The following CA12 variants were observed in gnomAD, a reference collection of about 807,000 sequenced individuals.
CA12 encodes the protein carbonic anhydrase 12, also known as carbonate dehydratase XII.
In CA12, 36 loss-of-function variants were observed where a neutral mutation model predicts 46.8. The observed-to-expected ratio is 0.77, with a 90% confidence interval of 0.59 to 1.02. CA12 has a LOEUF of 1.02. Ranked by LOEUF, CA12 falls within the 50% of genes least tolerant of loss-of-function variation. CA12 has a pLI of 0.00. For missense variants in CA12, 436 were observed against 451.4 expected (o/e 0.97, Z 0.31); for synonymous variants, 202 against 187.0 (o/e 1.08, Z -0.65).
chr15:63,380,874 T>A (rs1477352054), intron 1 of CA12, among the ~76,000 whole-genome samples: 2 of 152,252 alleles, frequency 1.3e-5, no homozygotes. Flanking sequence ...TGTACACGTG[T>A]TAGCTCACTG....
In CA12 at chr15:63,345,416, C is replaced by G; in HGVS notation, c.429+61G>C. ...GGTGTTATCTGCACAGCAGCCAGGT[C>G]GAGAAGGTGCCACACCACCCACTGC... On this transcript the variant is annotated intron_variant, in intron 4 of 10. Coordinates refer to ENST00000178638, the MANE Select transcript of CA12 (RefSeq NM_001218.5). This position sits in a 1 kb window ranked among gnomAD's most constrained non-coding sequence, Gnocchi z 4.3. 1 of 1,593,196 alleles carries G rather than the reference C, an allele frequency of 6.3e-7. No homozygotes were observed. Among genetic ancestry groups the G allele is most frequent in the Non-Finnish European group, 8.5e-7 (1 of 1,175,046 alleles).
intron 2 of CA12, among the ~76,000 whole-genome samples, chr15:63,366,354 G>A (rs1423312507): frequency 1.3e-5 from 2 of 152,060 alleles, no homozygotes; most frequent in Non-Finnish European, 2.9e-5. Context: ...CCTTTGCCTG[G>A]CTTGCTCTTA....
rs577196823 is a variant in CA12, at chr15:63,378,354, C to T, written c.86-2676G>A. ...AGTGAGCTGAGATTGTGCCATTGCA[C>T]TCCAGAATGGGTGACAGAGCGAGAC... is the stretch of plus-strand genomic sequence containing the variant. On this transcript the variant is annotated intron_variant, in intron 1 of 10. Coordinates refer to ENST00000178638, the MANE Select transcript of CA12 (RefSeq NM_001218.5). This position sits in a 1 kb window ranked among gnomAD's most constrained non-coding sequence, Gnocchi z 4.8. Among the ~76,000 whole-genome samples the T allele has an allele frequency of 6.6e-6, 1 of 152,220 alleles. No individual in the cohort carries two copies. The highest frequency in any genetic ancestry group is 1.9e-4 in the East Asian group (1 of 5,186).
chr15:63,360,891 G>GCT (rs1432280554), intron 2 of CA12, among the ~76,000 whole-genome samples: 5 of 152,220 alleles, frequency 3.3e-5, no homozygotes, highest in Non-Finnish European at 7.3e-5. Flanking sequence ...GAAGGTAAGG[G>GCT]CTCTGTCTCT....
At chr15:63,364,618 C>T (rs1235209583) in intron 2 of CA12, among the ~76,000 whole-genome samples, 3 of 152,208 alleles carry the variant, frequency 2.0e-5, no homozygotes, top group Non-Finnish European at 2.9e-5. Flanking sequence ...GCTCTTGCCT[C>T]GCAGTGTGCC....
chr15:63,336,813 TGTGCCAC>T (rs1164614399), intron 8 of CA12, among the ~76,000 whole-genome samples: 1 of 152,140 alleles, frequency 6.6e-6, no homozygotes, highest in African/African-American at 2.4e-5. Context: ...AAGGAGAATA[TGTGCCAC>T]CCCTTCCCTG....
rs535409082 is a variant in CA12, at chr15:63,373,935, G to T, written c.106+1723C>A. Among the ~76,000 whole-genome samples, 1 of 152,296 alleles carries T rather than the reference G, an allele frequency of 6.6e-6. No individual in the cohort carries two copies. The highest frequency in any genetic ancestry group is 2.4e-5 in the African/African-American group (1 of 41,556). On this transcript the variant is annotated intron_variant, in intron 2 of 10. Transcript: ENST00000178638. This position sits in a 1 kb window ranked among gnomAD's most constrained non-coding sequence, Gnocchi z 4.9. ...GCCCAGATTCTGCGATTCTTACTTT[G>T]TCAGTTCTCTTATCCTGGCCTGGCC... is the stretch of plus-strand genomic sequence containing the variant.
chr15:63,377,761 A>G (rs1309165769), intron 1 of CA12, among the ~76,000 whole-genome samples: 1 of 152,250 alleles, frequency 6.6e-6, no homozygotes. Context: ...ATCTCTATAT[A>G]ACATGCTAAT....
In CA12 at chr15:63,330,748, C is replaced by T. The variant is rs1278282001; in HGVS notation, c.875-2618G>A. On this transcript the variant is annotated intron_variant, in intron 8 of 10. Transcript: ENST00000178638. The surrounding 1 kb of genome is among the most constrained non-coding windows in gnomAD (Gnocchi z 4.0). Reference sequence around the variant, plus strand: ...CTTCTCTGGAGGGAGAGTCTGGCTTCCCCCGGTTATTACGCGGGGTTCCTG... The same window carrying T: ...CTTCTCTGGAGGGAGAGTCTGGCTTTCCCCGGTTATTACGCGGGGTTCCTG... Among the ~76,000 whole-genome samples, 1 of 152,202 alleles carries T rather than the reference C, an allele frequency of 6.6e-6. No individual in the cohort carries two copies. Among genetic ancestry groups the T allele is most frequent in the Non-Finnish European group, 1.5e-5 (1 of 68,026 alleles).
chr15:63,358,229 G>A (rs1266606301), intron 2 of CA12, among the ~76,000 whole-genome samples: 2 of 152,218 alleles, frequency 1.3e-5, no homozygotes, highest in Non-Finnish European at 2.9e-5. Context: ...AGTGCTGCAA[G>A]GCAGCTGGAA....
At position 63,341,206 on chromosome 15, in the gene CA12, G is replaced by A. The variant is rs985317881; in HGVS notation, c.526-423C>T. On this transcript the variant is annotated intron_variant, in intron 5 of 10. Coordinates refer to ENST00000178638, the MANE Select transcript of CA12 (RefSeq NM_001218.5). The surrounding 1 kb of genome is among the most constrained non-coding windows in gnomAD (Gnocchi z 5.2). ...AAAAAAACATGCAAGCCAATCAGAAGACATTCCTCTATCTTGGGATAAAAA... is the reference window on the plus strand; with the variant it reads ...AAAAAAACATGCAAGCCAATCAGAAAACATTCCTCTATCTTGGGATAAAAA... Among the ~76,000 whole-genome samples the A allele has an allele frequency of 6.6e-6, 1 of 152,146 alleles. No individual in the cohort carries two copies. Among genetic ancestry groups the A allele is most frequent in the African/African-American group, 2.4e-5 (1 of 41,432 alleles).
chr15:63,334,619 A>G (rs1342109244), intron 8 of CA12, among the ~76,000 whole-genome samples: 1 of 152,134 alleles, frequency 6.6e-6, no homozygotes, highest in Non-Finnish European at 1.5e-5. Flanking sequence ...TTCCATAAAG[A>G]GTGGACGTTT....
chr15:63,376,634 T>C (rs561321859), intron 1 of CA12, among the ~76,000 whole-genome samples: 3 of 110,688 alleles, frequency 2.7e-5, no homozygotes, highest in South Asian at 3.0e-4. Flanking sequence ...TTCTTCTTTT[T>C]CTTTTTCTTT....
chr15:63,338,767 G>A (rs1311404001), intron 8 of CA12, 52 bp downstream of exon 8: 3 of 1,610,918 alleles, frequency 1.9e-6, no homozygotes, highest in Non-Finnish European at 2.5e-6. Context: ...AGATCCCAAT[G>A]TCTTGGCACC....
chr15:63,356,091 A>G (rs1172491648), intron 2 of CA12, among the ~76,000 whole-genome samples: 2 of 152,142 alleles, frequency 1.3e-5, no homozygotes, highest in Admixed American at 1.3e-4. Flanking sequence ...TCATGGCTTA[A>G]TCTCTTTTTA....
Position 63,325,534 on chromosome 15 carries a change from G to A in CA12, c.*751C>T, listed in dbSNP as rs1017806249. ...GATTCCAATTCTGATTCCAAAGTGAGACTCTCCCAGATCATCCATGTCTTC... is the reference window on the plus strand; with the variant it reads ...GATTCCAATTCTGATTCCAAAGTGAAACTCTCCCAGATCATCCATGTCTTC... On this transcript the variant is annotated 3_prime_UTR_variant, in exon 11 of 11. Transcript: ENST00000178638. This position sits in a 1 kb window ranked among gnomAD's most constrained non-coding sequence, Gnocchi z 4.9. 7 of 152,310 alleles carry A rather than the reference G, an allele frequency of 4.6e-5. No homozygotes were observed. Among genetic ancestry groups the A allele is most frequent in the African/African-American group, 1.7e-4 (7 of 41,420 alleles). The allele number at this position is 152,310 out of a possible 1,614,324, so 9.4% of individuals were successfully genotyped here. A position where few individuals can be genotyped will look rare whatever the true frequency, so the allele number is the denominator to read the frequency against.
At chr15:63,335,537 C>T in intron 8 of CA12, among the ~76,000 whole-genome samples, 1 of 151,250 alleles carries the variant, frequency 6.6e-6, no homozygotes, top group South Asian at 2.1e-4. Flanking sequence ...GATCATGGCT[C>T]ACTGCAGCCT....
Position 63,334,205 on chromosome 15 carries a change from T to C in CA12, c.874+4614A>G, listed in dbSNP as rs55635707. 5.7e-3 allele frequency among the ~76,000 whole-genome samples: 837 copies of C among 147,974 alleles called. 8 individuals carry two copies. The highest frequency in any genetic ancestry group is 0.02 in the African/African-American group (795 of 39,752). On this transcript the variant is annotated intron_variant, in intron 8 of 10. Coordinates refer to ENST00000178638, the MANE Select transcript of CA12 (RefSeq NM_001218.5). ...TTGAGGACGAGTCTTGCTTTCTCCTTCAGCTCAAATCTTCCAACTGCCACT... is the reference window on the plus strand; with the variant it reads ...TTGAGGACGAGTCTTGCTTTCTCCTCCAGCTCAAATCTTCCAACTGCCACT...
chr15:63,363,128 G>C (rs12908499), intron 2 of CA12, among the ~76,000 whole-genome samples: 6,186 of 152,290 alleles, frequency 0.041, 154 homozygotes, highest in Middle Eastern at 0.058. Context: ...GAGTTGATTT[G>C]TCTCAGTTCT....
Sources: allele counts gnomAD v4.1 joint callset (sites outside exome capture counted in the v4.1 genomes callset), GRCh38; gene constraint gnomAD v4.1.1; non-coding constraint Gnocchi (gnomAD v3.1); transcripts MANE v1.5; gene names NCBI Gene and HGNC (gene_info 2026-07-23, HGNC 2026-07-21).